Variants in ITGA11 observed in about 807,000 individuals in gnomAD.
ITGA11 encodes integrin subunit alpha 11.
Under a neutral mutation model 141.9 loss-of-function variants are expected in ITGA11, and 97 were observed. That is an observed-to-expected ratio of 0.68 (90% CI 0.58 to 0.81). The LOEUF (loss-of-function observed/expected upper bound fraction) is 0.81. Ranked by LOEUF, ITGA11 falls within the 30% of genes least tolerant of loss-of-function variation. ITGA11 has a pLI of 0.00. For missense variants in ITGA11, 1,387 were observed against 1,559.2 expected (o/e 0.89, Z 1.86); for synonymous variants, 658 against 624.6 (o/e 1.05, Z -0.80).
intron 7 of ITGA11, among the ~76,000 whole-genome samples, chr15:68,351,778 G>A (rs1244108893): frequency 5.9e-5 from 9 of 151,964 alleles, no homozygotes; most frequent in South Asian, 2.1e-4. Context: ...GACATCTCTC[G>A]GAGGGAGGCT....
At chr15:68,386,255 AGT>A (rs1895982121) in intron 2 of ITGA11, among the ~76,000 whole-genome samples, 2 of 151,966 alleles carry the variant, frequency 1.3e-5, no homozygotes, top group African/African-American at 2.4e-5. Flanking sequence ...TGGGGGTGGT[AGT>A]GGTAGTGGTG....
At chr15:68,394,547 ATAAAT>A (rs1308530607) in intron 2 of ITGA11, among the ~76,000 whole-genome samples, 6 of 152,080 alleles carry the variant, frequency 3.9e-5, no homozygotes, top group Admixed American at 1.3e-4. Context: ...CTAGAAAAAG[ATAAAT>A]TAAATAAAAA....
chr15:68,388,480 C>T (rs1896038405), intron 2 of ITGA11, among the ~76,000 whole-genome samples: 1 of 152,090 alleles, frequency 6.6e-6, no homozygotes, highest in African/African-American at 2.4e-5. Context: ...AATGTTTTTC[C>T]ATGGCACAGA....
chr15:68,419,220 G>C (rs1290438861), intron 1 of ITGA11, among the ~76,000 whole-genome samples: 1 of 152,108 alleles, frequency 6.6e-6, no homozygotes, highest in Non-Finnish European at 1.5e-5. Context: ...GTTATGCAGA[G>C]GTCTTTTTGG....
At chr15:68,395,373 A>G (rs1813565) in intron 2 of ITGA11, among the ~76,000 whole-genome samples, 45,583 of 151,516 alleles carry the variant, frequency 0.3, 6,999 homozygotes, top group Middle Eastern at 0.33. Flanking sequence ...GCAATAACAA[A>G]CTTCTCCGAG....
intron 3 of ITGA11, chr15:68,365,375 G>A: frequency 5.1e-6 from 5 of 980,800 alleles, no homozygotes; most frequent in Non-Finnish European, 6.1e-6. Flanking sequence ...GAAGGAGGCT[G>A]CCAAGAGAGG....
intron 7 of ITGA11, among the ~76,000 whole-genome samples, chr15:68,353,390 A>G (rs2140335766): frequency 6.6e-6 from 1 of 152,316 alleles, no homozygotes; most frequent in African/African-American, 2.4e-5. Flanking sequence ...AGCGCAACCC[A>G]GTAGCAGGAG....
rs1227636542 is a variant in ITGA11, at chr15:68,324,360, C to T, written c.2322+771G>A. Among the ~76,000 whole-genome samples, 4 of 152,148 alleles carry T rather than the reference C, an allele frequency of 2.6e-5. No homozygotes were observed. Among genetic ancestry groups the T allele is most frequent in the Non-Finnish European group, 4.4e-5 (3 of 68,040 alleles). The stretch of plus-strand genomic sequence containing the variant: ...GGCTGGACTCTGTCACTCACACAGA[C>T]GTTGCTCAGAGACTGGACCTCACAG... On this transcript the variant is annotated intron_variant, in intron 18 of 29. Transcript: ENST00000315757. This position sits in a 1 kb window ranked among gnomAD's most constrained non-coding sequence, Gnocchi z 6.3.
intron 1 of ITGA11, among the ~76,000 whole-genome samples, chr15:68,420,717 C>A (rs2140436209): frequency 6.6e-6 from 1 of 152,306 alleles, no homozygotes; most frequent in South Asian, 2.1e-4. Flanking sequence ...CTATTTATCA[C>A]TTGTGTACTC....
chr15:68,319,108 T>C (rs1893702211), intron 20 of ITGA11, among the ~76,000 whole-genome samples: 1 of 152,158 alleles, frequency 6.6e-6, no homozygotes, highest in Non-Finnish European at 1.5e-5. Flanking sequence ...TTGGAGAGCT[T>C]TGGGAAAGAT....
At position 68,314,421 on chromosome 15, in the gene ITGA11, CCTTTATAT is replaced by C. The variant is rs1893500614; in HGVS notation, c.2793-561_2793-554del. 5.3e-5 allele frequency among the ~76,000 whole-genome samples: 8 copies of C among 152,216 alleles called. No individual in the cohort carries two copies. The South Asian group carries it at 1.7e-3, about 32-fold the overall frequency. ...GGGGGGGTTCTGTCCAGTGTGCCTCCCTTTATATCTGAGCACCATGAACTACCGGGGCA... is the reference window on the plus strand; with the variant it reads ...GGGGGGGTTCTGTCCAGTGTGCCTCCCTGAGCACCATGAACTACCGGGGCA... On this transcript the variant is annotated intron_variant, in intron 22 of 29. Transcript: ENST00000315757.
At chr15:68,430,245 T>C (rs1897238618) in intron 1 of ITGA11, among the ~76,000 whole-genome samples, 1 of 152,066 alleles carries the variant, frequency 6.6e-6, no homozygotes, top group Non-Finnish European at 1.5e-5. Context: ...CCCTCCTCCT[T>C]GAGTAGCAAC....
chr15:68,326,569 C>A lies in ITGA11; in HGVS notation c.2211+85G>T. On this transcript the variant is annotated intron_variant, in intron 17 of 29. Coordinates refer to ENST00000315757, the MANE Select transcript of ITGA11 (RefSeq NM_001004439.2). The surrounding 1 kb of genome is among the most constrained non-coding windows in gnomAD (Gnocchi z 6.8). ...CTGAGGTCTGCTGGGGGCTTAGAAC[C>A]AGCCAGGCAGACTCTCTGCCTCTCC... 6.9e-7 allele frequency: 1 copy of A among 1,440,208 alleles called. No homozygotes were observed. The highest frequency in any genetic ancestry group is 1.4e-5 in the South Asian group (1 of 71,066). The allele number at this position is 1,440,208 out of a possible 1,614,324, so 89.2% of individuals were successfully genotyped here.
chr15:68,308,361 C>T lies in ITGA11; in HGVS notation c.3175-665G>A, dbSNP rs1311942379. Among the ~76,000 whole-genome samples, 1 of 152,142 alleles carries T rather than the reference C, an allele frequency of 6.6e-6. No homozygotes were observed. Among genetic ancestry groups the T allele is most frequent in the Non-Finnish European group, 1.5e-5 (1 of 68,024 alleles). ...TTATGGTGAAACTTGAGTGAAAGAACAGTGAAATCACTGATGCTTTATAAA... is the reference window on the plus strand; with the variant it reads ...TTATGGTGAAACTTGAGTGAAAGAATAGTGAAATCACTGATGCTTTATAAA... On this transcript the variant is annotated intron_variant, in intron 26 of 29. Transcript: ENST00000315757. This position sits in a 1 kb window ranked among gnomAD's most constrained non-coding sequence, Gnocchi z 5.2.
intron 7 of ITGA11, among the ~76,000 whole-genome samples, chr15:68,353,681 A>G (rs1406230904): frequency 6.6e-6 from 1 of 152,116 alleles, no homozygotes; most frequent in Non-Finnish European, 1.5e-5. Context: ...TGTAAATTAG[A>G]TTATACATTC....
At chr15:68,349,379 G>T (rs2140329209) in intron 9 of ITGA11, among the ~76,000 whole-genome samples, 1 of 152,332 alleles carries the variant, frequency 6.6e-6, no homozygotes, top group East Asian at 1.9e-4. Flanking sequence ...CACCACTGCA[G>T]ATTTGCGTAA....
Position 68,321,524 on chromosome 15 carries a change from T to C in ITGA11, c.2323-21A>G. The stretch of plus-strand genomic sequence containing the variant: ...GGCACCTGGGCCAGGGAGAGCCAGG[T>C]GTGGGCAGCTGGGTAGGGACCCGCA... On this transcript the variant is annotated intron_variant, in intron 18 of 29. Coordinates refer to ENST00000315757, the MANE Select transcript of ITGA11 (RefSeq NM_001004439.2). This position sits in a 1 kb window ranked among gnomAD's most constrained non-coding sequence, Gnocchi z 4.9. 6.4e-7 allele frequency: 1 copy of C among 1,564,036 alleles called. No individual in the cohort carries two copies. Among genetic ancestry groups the C allele is most frequent in the Non-Finnish European group, 8.7e-7 (1 of 1,148,436 alleles).
chr15:68,325,044 G>C lies in ITGA11; in HGVS notation c.2322+87C>G, dbSNP rs756230668. The C allele has an allele frequency of 2.1e-6, 2 of 969,826 alleles. No individual in the cohort carries two copies. The highest frequency in any genetic ancestry group is 3.3e-6 in the Non-Finnish European group (2 of 598,388). 60.1% of individuals were successfully genotyped at this position (969,826 alleles called of 1,614,324 possible). ...ATGAGGGATGGTGTCCTCTGTACCCGGCACACTCAGGCTCTGGGCTTTGGG... is the reference window on the plus strand; with the variant it reads ...ATGAGGGATGGTGTCCTCTGTACCCCGCACACTCAGGCTCTGGGCTTTGGG... On this transcript the variant is annotated intron_variant, in intron 18 of 29. Transcript: ENST00000315757. The surrounding 1 kb of genome is among the most constrained non-coding windows in gnomAD (Gnocchi z 5.5).
intron 11 of ITGA11, among the ~76,000 whole-genome samples, chr15:68,338,260 G>A (rs1341107065): frequency 6.6e-6 from 1 of 152,192 alleles, no homozygotes; most frequent in African/African-American, 2.4e-5. Flanking sequence ...ATTTGCCAAG[G>A]CAAGGACTCC....
Sources: allele counts gnomAD v4.1 joint callset (sites outside exome capture counted in the v4.1 genomes callset), GRCh38; gene constraint gnomAD v4.1.1; non-coding constraint Gnocchi (gnomAD v3.1); transcripts MANE v1.5; gene names NCBI Gene and HGNC (gene_info 2026-07-23, HGNC 2026-07-21).